The following VDAC2 variants were observed in gnomAD, a reference collection of about 807,000 sequenced individuals.
The protein encoded by VDAC2 is non-selective voltage-gated ion channel VDAC2.
In VDAC2, 6 loss-of-function variants were observed where a neutral mutation model predicts 36.6. The observed-to-expected ratio is 0.16, with a 90% CI of 0.09 to 0.32. The LOEUF (loss-of-function observed/expected upper bound fraction) is 0.32, where lower values mean the gene tolerates loss of function less well. Ranked by LOEUF, VDAC2 falls within the 10% of genes least tolerant of loss-of-function variation. The pLI is 1.00. For synonymous variants in VDAC2, 109 were observed against 123.8 expected (o/e 0.88, Z 0.79); for missense variants, 247 against 346.0 (o/e 0.71, Z 2.27).
intron 8 of VDAC2, among the ~76,000 whole-genome samples, chr10:75,224,462 G>C (rs1841899983): frequency 6.6e-6 from 1 of 152,054 alleles, no homozygotes; most frequent in South Asian, 2.1e-4. Context: ...TGGGAAATGA[G>C]GAACTTTTGA....
intron 9 of VDAC2, among the ~76,000 whole-genome samples, chr10:75,230,187 A>G (rs1308350804): frequency 6.6e-6 from 1 of 152,184 alleles, no homozygotes; most frequent in East Asian, 1.9e-4. Flanking sequence ...GAATCTGCTT[A>G]AAGTACTGGA....
At chr10:75,211,297 C>T (rs1841411428) in intron 2 of VDAC2, 108 bp downstream of exon 2, 1 of 1,499,756 alleles carries the variant, frequency 6.7e-7, no homozygotes, top group African/African-American at 1.4e-5. Flanking sequence ...GGAAATTCGG[C>T]TGCTTTTGGT....
chr10:75,212,169 G>T, intron 2 of VDAC2, 61 bp from the exon 3 acceptor site: 1 of 1,471,710 alleles, frequency 6.8e-7, no homozygotes, highest in Non-Finnish European at 9.5e-7. Context: ...TCATGCTCTT[G>T]TTCTTGGATA....
At position 75,219,143 on chromosome 10, in the gene VDAC2, G is replaced by A. The variant is rs1347784370; in HGVS notation, c.231G>A (p.Glu77=). Residue 77 remains glutamate (E), a synonymous_variant, in exon 5 of 10, where the codon GAG becomes GAA. Coordinates refer to ENST00000332211, the MANE Select transcript of VDAC2 (RefSeq NM_001391963.1). Reference sequence around the variant, plus strand: ...TGGAGACCAAATACAAGTGGTGTGAGTATGGTCTGACTTTCACAGAAAAGT... The same window carrying A: ...TGGAGACCAAATACAAGTGGTGTGAATATGGTCTGACTTTCACAGAAAAGT... The part of the protein sequence containing the change: ...GTLETKYKWC[E]YGLTFTEKWN... The A allele has an allele frequency of 6.2e-7, 1 of 1,613,302 alleles. No individual in the cohort carries two copies. Among genetic ancestry groups the A allele is most frequent in the Non-Finnish European group, 8.5e-7 (1 of 1,179,622 alleles).
At chr10:75,211,235 A>C in intron 2 of VDAC2, 46 bp downstream of exon 2, 1 of 1,603,672 alleles carries the variant, frequency 6.2e-7, no homozygotes, top group Non-Finnish European at 8.5e-7. Flanking sequence ...CGGAGAGTCG[A>C]AGCCTGTCGA....
At chr10:75,214,294 A>G (rs1841530084) in intron 4 of VDAC2, among the ~76,000 whole-genome samples, 1 of 152,238 alleles carries the variant, frequency 6.6e-6, no homozygotes. Flanking sequence ...AACTTAGGAA[A>G]GACCAGTCAG....
At chr10:75,211,111 C>G in intron 1 of VDAC2, 23 bp from the exon 2 acceptor site, 1 of 1,596,074 alleles carries the variant, frequency 6.3e-7, no homozygotes, top group Non-Finnish European at 8.5e-7. Context: ...CCCAGCTTAC[C>G]GCACTTCTTG....
In VDAC2 at chr10:75,230,928, A is replaced by T. The variant is rs770288304; in HGVS notation, c.824A>T (p.Asp275Val). 3 of 1,613,660 alleles carry T rather than the reference A, an allele frequency of 1.9e-6. No homozygotes were observed. The South Asian group carries it at 3.3e-5, about 18-fold the overall frequency. The change falls in exon 10 of 10, where the codon GAT (aspartate) becomes GTT (valine). Residue 275 changes from aspartate (D) to valine (V), a missense_variant. Transcript: ENST00000332211. ...AAGCTTACACTCTCTGCTCTGGTAG[A>T]TGGGAAGAGCATTAATGCTGGAGGC... ...GVKLTLSALVDGKSINAGGHK... is the reference protein window; with the variant it reads ...GVKLTLSALVVGKSINAGGHK...
At chr10:75,230,749 C>T (rs1842078298) in intron 9 of VDAC2, 149 bp from the exon 10 acceptor site, 3 of 583,978 alleles carry the variant, frequency 5.1e-6, no homozygotes, top group Non-Finnish European at 9.1e-6. Context: ...TACTTCCAAG[C>T]GCCCTCTGGT....
At chr10:75,218,104 A>AAT in intron 4 of VDAC2, 1 of 386,822 alleles carries the variant, frequency 2.6e-6, no homozygotes, top group East Asian at 7.6e-5. Flanking sequence ...AAAAAAAAAA[A>AAT]TTCAGATAAG....
At chr10:75,230,809 T>C in intron 9 of VDAC2, 89 bp from the exon 10 acceptor site, 1 of 1,122,968 alleles carries the variant, frequency 8.9e-7, no homozygotes, top group Non-Finnish European at 1.3e-6. Context: ...ACAGGCAGGC[T>C]CTGGGGATGA....
At chr10:75,224,128 T>G (rs1841893204) in intron 8 of VDAC2, among the ~76,000 whole-genome samples, 1 of 152,166 alleles carries the variant, frequency 6.6e-6, no homozygotes, top group Non-Finnish European at 1.5e-5. Flanking sequence ...TAAAACAACC[T>G]GGGGCTTGCA....
At chr10:75,210,241 G>A (rs1841353579), upstream of VDAC2, 1 of 152,646 alleles carries the variant, frequency 6.6e-6, no homozygotes, top group Admixed American at 6.5e-5. Flanking sequence ...AGAGCGCGAG[G>A]GGCTGGAGGT....
chr10:75,230,824 G>GA (rs1426641594), intron 9 of VDAC2, 74 bp from the exon 10 acceptor site: 1 of 1,329,908 alleles, frequency 7.5e-7, no homozygotes, highest in Non-Finnish European at 1.0e-6. Flanking sequence ...GGATGACTGT[G>GA]AAAGAAGGCC....
rs776982683 is a variant in VDAC2, at chr10:75,230,848, G to A, written c.794-50G>A. On this transcript the variant is annotated intron_variant, in intron 9 of 9. Coordinates refer to ENST00000332211, the MANE Select transcript of VDAC2 (RefSeq NM_001391963.1). Reference sequence around the variant, plus strand: ...TGAAAGAAGGCCCAGACTGAGTGACGTGCCAGGTACATCACGGTTTTTTGT... The same window carrying A: ...TGAAAGAAGGCCCAGACTGAGTGACATGCCAGGTACATCACGGTTTTTTGT... The A allele has an allele frequency of 1.6e-5, 25 of 1,519,420 alleles. 1 individual carries two copies. The South Asian group carries it at 2.1e-4, about 13-fold the overall frequency. 94.1% of individuals were successfully genotyped at this position (1,519,420 alleles called of 1,614,324 possible).
At chr10:75,226,525 C>G (rs559566668) in intron 8 of VDAC2, among the ~76,000 whole-genome samples, 36 of 142,314 alleles carry the variant, frequency 2.5e-4, no homozygotes, top group Admixed American at 1.2e-3. Flanking sequence ...GGCACCATCT[C>G]TGCTCACTGC....
chr10:75,226,783 G>A (rs575476756), intron 8 of VDAC2, among the ~76,000 whole-genome samples: 1 of 152,098 alleles, frequency 6.6e-6, no homozygotes, highest in Non-Finnish European at 1.5e-5. Context: ...TTTTTAACAG[G>A]CCTCTTTCAA....
intron 6 of VDAC2, among the ~76,000 whole-genome samples, chr10:75,219,897 G>A (rs1204641081): frequency 3.3e-5 from 5 of 150,648 alleles, no homozygotes; most frequent in South Asian, 4.2e-4. Flanking sequence ...GCGCGATCTC[G>A]GCTCACTGCA....
chr10:75,212,628 C>A (rs902372970), intron 3 of VDAC2, among the ~76,000 whole-genome samples: 1 of 152,086 alleles, frequency 6.6e-6, no homozygotes, highest in East Asian at 1.9e-4. Context: ...CTGTGTTACC[C>A]AGTAAACACA....
Sources: gnomAD v4.1 joint callset for allele counts (sites outside exome capture counted in the v4.1 genomes callset) on GRCh38, gnomAD v4.1.1 for gene constraint, MANE v1.5 for transcripts, NCBI Gene and HGNC (gene_info 2026-07-23, HGNC 2026-07-21) for gene names.